The following AMOTL1 variants were observed in gnomAD, a reference collection of about 807,000 sequenced individuals.
The protein encoded by AMOTL1 is angiomotin like 1, also known as angiomotin-like protein 1.
Under a neutral mutation model 102.9 loss-of-function variants are expected in AMOTL1, and 45 were observed. That is an observed-to-expected ratio of 0.44 (90% confidence interval 0.34 to 0.56). The LOEUF is 0.56. Among genes scored for constraint, AMOTL1 ranks in the 20% least tolerant of loss-of-function variants. The pLI, the probability that AMOTL1 is intolerant of heterozygous loss-of-function variation, is 0.01. For synonymous variants in AMOTL1, 481 were observed against 484.7 expected (o/e 0.99, Z 0.10); for missense variants, 1,114 against 1,225.6 (o/e 0.91, Z 1.36).
intron 1 of AMOTL1, among the ~76,000 whole-genome samples, chr11:94,722,978 C>T (rs558716085): frequency 2.3e-4 from 35 of 152,122 alleles, no homozygotes; most frequent in Non-Finnish European, 3.8e-4. Flanking sequence ...TTTTTCTTTG[C>T]TCCTCAGTGT....
intron 1 of AMOTL1, among the ~76,000 whole-genome samples, chr11:94,783,339 G>A (rs1010326524): frequency 5.3e-5 from 8 of 152,114 alleles, no homozygotes; most frequent in African/African-American, 1.9e-4. Context: ...ATTTGGTTAC[G>A]TCCATTTGCC....
At chr11:94,784,836 G>A (rs995439722) in intron 1 of AMOTL1, among the ~76,000 whole-genome samples, 1 of 152,152 alleles carries the variant, frequency 6.6e-6, no homozygotes, top group East Asian at 1.9e-4. Context: ...TATACTTGTG[G>A]TGAAGCCAGT....
At chr11:94,858,943 T>C (rs1264610817) in intron 8 of AMOTL1, among the ~76,000 whole-genome samples, 1 of 152,206 alleles carries the variant, frequency 6.6e-6, no homozygotes, top group African/African-American at 2.4e-5. Context: ...TGCTTTCATA[T>C]GCATTATCTA....
intron 1 of AMOTL1, among the ~76,000 whole-genome samples, chr11:94,782,333 T>C (rs1256398703): frequency 6.6e-6 from 1 of 150,834 alleles, no homozygotes; most frequent in East Asian, 1.9e-4. Flanking sequence ...TTTTGGAAAC[T>C]TGTATCTGCC....
At chr11:94,839,586 G>A (rs1478889077) in intron 6 of AMOTL1, among the ~76,000 whole-genome samples, 1 of 152,184 alleles carries the variant, frequency 6.6e-6, no homozygotes, top group Non-Finnish European at 1.5e-5. Flanking sequence ...GTGAGAGGTG[G>A]CAATGTTGAA....
At chr11:94,838,313 G>T (rs946857905) in intron 6 of AMOTL1, among the ~76,000 whole-genome samples, 2 of 152,220 alleles carry the variant, frequency 1.3e-5, no homozygotes, top group Non-Finnish European at 2.9e-5. Flanking sequence ...GCTGGACATT[G>T]AATGAAATGA....
intron 3 of AMOTL1, among the ~76,000 whole-genome samples, chr11:94,762,983 C>T (rs376748501): frequency 5.6e-4 from 85 of 152,282 alleles, no homozygotes; most frequent in African/African-American, 1.9e-3. Flanking sequence ...AGAGCCTGGT[C>T]CTCAGTAGGT....
rs372131636 is a variant in AMOTL1, at chr11:94,866,179, C to T, written c.2488+11C>T. ...GGAAGGGGAGCATAGGTGAGCCCCA[C>T]ACCTCTGTCAGACCATGATTGGAAA... On this transcript the variant is annotated intron_variant, in intron 11 of 12. Coordinates refer to ENST00000433060, the MANE Select transcript of AMOTL1 (RefSeq NM_130847.3). 250 of 1,611,986 alleles carry T rather than the reference C, an allele frequency of 1.6e-4. 1 individual carries two copies. The highest frequency in any genetic ancestry group is 5.0e-5 in the Admixed American group (3 of 59,978).
At chr11:94,750,413 G>C (rs144944194) in intron 3 of AMOTL1, among the ~76,000 whole-genome samples, 2 of 152,296 alleles carry the variant, frequency 1.3e-5, no homozygotes, top group Non-Finnish European at 2.9e-5. Context: ...TTGAGAGCCT[G>C]ACTGGTTTCC....
intron 3 of AMOTL1, among the ~76,000 whole-genome samples, chr11:94,807,983 A>G (rs1258785375): frequency 7.9e-6 from 1 of 127,140 alleles, no homozygotes; most frequent in Admixed American, 9.0e-5. Flanking sequence ...AATGGCAAAT[A>G]AATCTTGGGA....
intron 3 of AMOTL1, among the ~76,000 whole-genome samples, chr11:94,762,298 G>A (rs1486006140): frequency 6.6e-6 from 1 of 152,150 alleles, no homozygotes; most frequent in Non-Finnish European, 1.5e-5. Context: ...TTTTAAAGTG[G>A]GTAACATCAA....
chr11:94,866,472 A>G, intron 11 of AMOTL1: 1 of 376,560 alleles, frequency 2.7e-6, no homozygotes, highest in Non-Finnish European at 5.0e-6. Flanking sequence ...GCCTAGAGAC[A>G]TCACGCCTCT....
At chr11:94,850,008 T>G in intron 6 of AMOTL1, 106 bp from the exon 7 acceptor site, 1 of 1,306,884 alleles carries the variant, frequency 7.7e-7, no homozygotes, top group Non-Finnish European at 1.0e-6. Context: ...TCCTCCATTA[T>G]TTGCATGCTT....
intron 1 of AMOTL1, among the ~76,000 whole-genome samples, chr11:94,728,011 C>A (rs996884339): frequency 6.6e-6 from 1 of 152,184 alleles, no homozygotes; most frequent in Non-Finnish European, 1.5e-5. Context: ...ATTAAGCCAG[C>A]TGGGCTGACT....
rs201384406 is a variant in AMOTL1 at position 94,863,603 on chromosome 11, A to AG, written c.2136-1132_2136-1131insG. On this transcript the variant is annotated intron_variant, in intron 9 of 12. Coordinates refer to ENST00000433060, the MANE Select transcript of AMOTL1 (RefSeq NM_130847.3). Reference sequence around the variant, plus strand: ...ATGAAACTCCATCTCAAAAAAAAAAAAGTTTTTCAGTATGATTGTACATTG... The same window carrying AG: ...ATGAAACTCCATCTCAAAAAAAAAAAGAGTTTTTCAGTATGATTGTACATTG... Among the ~76,000 whole-genome samples the AG allele has an allele frequency of 2.6e-3, 397 of 152,272 alleles. 12 individuals carry two copies. The East Asian group carries it at 0.066, about 25-fold the overall frequency.
chr11:94,707,675 T>A (rs1482168080), intron 1 of AMOTL1, among the ~76,000 whole-genome samples: 1 of 152,102 alleles, frequency 6.6e-6, no homozygotes, highest in African/African-American at 2.4e-5. Flanking sequence ...CTAGACCATA[T>A]CCAGAATTCA....
chr11:94,811,569 G>A (rs1273844735), intron 3 of AMOTL1, among the ~76,000 whole-genome samples: 1 of 146,988 alleles, frequency 6.8e-6, no homozygotes, highest in Non-Finnish European at 1.5e-5. Context: ...TTTTTCAGAT[G>A]TGGGAATTTA....
At chr11:94,725,795 C>A (rs1950248055) in intron 1 of AMOTL1, among the ~76,000 whole-genome samples, 1 of 152,138 alleles carries the variant, frequency 6.6e-6, no homozygotes, top group Admixed American at 6.6e-5. Context: ...TCAGGGACTG[C>A]AAATGCCTTG....
chr11:94,720,286 A>T (rs1319085253), intron 1 of AMOTL1, among the ~76,000 whole-genome samples: 1 of 152,054 alleles, frequency 6.6e-6, no homozygotes, highest in Non-Finnish European at 1.5e-5. Context: ...CATATAAAGG[A>T]TTCTTGAAAA....
Sources: allele counts gnomAD v4.1 joint callset (sites outside exome capture counted in the v4.1 genomes callset), GRCh38; gene constraint gnomAD v4.1.1; transcripts MANE v1.5; gene names NCBI Gene and HGNC (gene_info 2026-07-23, HGNC 2026-07-21).